Variants in PTPRK observed in about 807,000 individuals in gnomAD.
PTPRK encodes the protein protein tyrosine phosphatase receptor type K, also known as receptor-type tyrosine-protein phosphatase kappa.
Under a neutral mutation model 178.0 loss-of-function variants are expected in PTPRK, and 75 were observed. That is an observed-to-expected ratio of 0.42 (90% CI 0.35 to 0.51). The LOEUF (loss-of-function observed/expected upper bound fraction) is 0.51, where lower values mean the gene tolerates loss of function less well. Ranked by LOEUF, PTPRK falls within the 20% of genes least tolerant of loss-of-function variation. The pLI, the probability that PTPRK is intolerant of heterozygous loss-of-function variation, is 0.02. For missense variants in PTPRK, 1,441 were observed against 1,797.8 expected (o/e 0.80, Z 3.59); for synonymous variants, 637 against 620.6 (o/e 1.03, Z -0.39).
chr6:128,257,485 G>C (rs1238276769), intron 3 of PTPRK, among the ~76,000 whole-genome samples: 1 of 152,052 alleles, frequency 6.6e-6, no homozygotes, highest in African/African-American at 2.4e-5. Context: ...GCCTAAATAT[G>C]CTTGGATATT....
intron 11 of PTPRK, among the ~76,000 whole-genome samples, chr6:128,068,748 C>A (rs146641544): frequency 6.6e-6 from 1 of 150,616 alleles, no homozygotes; most frequent in East Asian, 1.9e-4. Context: ...ATATTTTATA[C>A]ATTATAAATA....
At chr6:128,510,264 A>AGT (rs1856976333) in intron 1 of PTPRK, among the ~76,000 whole-genome samples, 1 of 152,182 alleles carries the variant, frequency 6.6e-6, no homozygotes, top group Non-Finnish European at 1.5e-5. Flanking sequence ...TGGCACAGCC[A>AGT]TGGTCCTCAG....
rs746387193 is a variant in PTPRK, at chr6:128,082,573, TAC to T, written c.1639_1640del (p.Val547IlefsTer51). 6.2e-7 allele frequency: 1 copy of T among 1,612,594 alleles called. No individual in the cohort carries two copies. Among genetic ancestry groups the T allele is most frequent in the Non-Finnish European group, 8.5e-7 (1 of 1,178,820 alleles). On this transcript the variant is annotated frameshift_variant, in exon 10 of 30. Transcript: ENST00000368226. LOFTEE classifies it high-confidence loss of function. ...AVPVAGPPQT[V>X]SNLWNSTHHV... ...GGTGTGTACTGTTCCATAAATTTGA[TAC>T]AGTCTGGGGAGGTCCAGCCACTGGA...
intron 15 of PTPRK, among the ~76,000 whole-genome samples, chr6:128,000,769 G>A (rs971749143): frequency 2.6e-5 from 4 of 152,182 alleles, no homozygotes; most frequent in South Asian, 2.1e-4. Flanking sequence ...AACAGATAAC[G>A]TCAGAGAGGC....
intron 22 of PTPRK, among the ~76,000 whole-genome samples, chr6:127,984,035 A>C (rs904959498): frequency 1.2e-4 from 19 of 152,296 alleles, no homozygotes; most frequent in African/African-American, 4.6e-4. Flanking sequence ...GCAAATCAAA[A>C]GGCTAGCCGC....
At chr6:128,230,936 C>T (rs1333985574) in intron 5 of PTPRK, 2 of 152,146 alleles carry the variant, frequency 1.3e-5, no homozygotes, top group African/African-American at 2.4e-5. Flanking sequence ...GTTATGTAAT[C>T]TGTAAACATT....
At chr6:128,180,725 T>C (rs1440143345) in intron 7 of PTPRK, among the ~76,000 whole-genome samples, 1 of 152,140 alleles carries the variant, frequency 6.6e-6, no homozygotes, top group Non-Finnish European at 1.5e-5. Context: ...CACTAATCAA[T>C]TGGGCTTTCA....
intron 3 of PTPRK, among the ~76,000 whole-genome samples, chr6:128,278,544 T>A (rs906228325): frequency 6.6e-6 from 1 of 152,170 alleles, no homozygotes; most frequent in Non-Finnish European, 1.5e-5. Context: ...GAGAGCTGGA[T>A]AATAACAAAG....
chr6:128,170,238 C>T (rs767020790), intron 7 of PTPRK, among the ~76,000 whole-genome samples: 23 of 152,080 alleles, frequency 1.5e-4, no homozygotes, highest in Admixed American at 5.9e-4. Flanking sequence ...TTAAAACTCC[C>T]CTGCAGGCCA....
At chr6:128,314,659 C>A (rs1827754302) in intron 3 of PTPRK, among the ~76,000 whole-genome samples, 1 of 151,898 alleles carries the variant, frequency 6.6e-6, no homozygotes, top group African/African-American at 2.4e-5. Flanking sequence ...TAGCTATCAT[C>A]CCATATTGCA....
intron 10 of PTPRK, among the ~76,000 whole-genome samples, chr6:128,081,286 G>A (rs927512090): frequency 2.0e-5 from 3 of 151,812 alleles, no homozygotes; most frequent in African/African-American, 7.3e-5. Flanking sequence ...TTAAAACATT[G>A]TTATTTTATA....
chr6:128,347,384 A>G (rs2128335185), intron 2 of PTPRK, among the ~76,000 whole-genome samples: 1 of 152,288 alleles, frequency 6.6e-6, no homozygotes, highest in East Asian at 1.9e-4. Context: ...AAATCCTGCT[A>G]ATTCAGGCAA....
At chr6:128,197,611 G>A (rs1221610464) in intron 6 of PTPRK, among the ~76,000 whole-genome samples, 1 of 151,912 alleles carries the variant, frequency 6.6e-6, no homozygotes, top group East Asian at 1.9e-4. Flanking sequence ...TGTCAATTAT[G>A]TGAGGAAAAA....
intron 15 of PTPRK, chr6:128,000,030 C>G: frequency 1.0e-6 from 1 of 957,372 alleles, no homozygotes; most frequent in East Asian, 1.2e-4. Context: ...AAGTACTAAA[C>G]ATTACAACGA....
chr6:128,354,229 A>ATTTTTTTTT (rs1201996929), intron 2 of PTPRK, among the ~76,000 whole-genome samples: 6 of 27,736 alleles, frequency 2.2e-4, no homozygotes, highest in South Asian at 1.6e-3. Context: ...TTTTTTGTTT[A>ATTTTTTTTT]TGTTTTTTTT....
intron 7 of PTPRK, among the ~76,000 whole-genome samples, chr6:128,101,770 G>A (rs1788827468): frequency 6.6e-6 from 1 of 152,090 alleles, no homozygotes. Context: ...TCCTGCCAAT[G>A]TATTCATCTG....
chr6:128,081,848 C>T (rs1784883025), intron 10 of PTPRK, among the ~76,000 whole-genome samples: 2 of 151,992 alleles, frequency 1.3e-5, no homozygotes, highest in South Asian at 2.1e-4. Context: ...TGTAAACAAT[C>T]TAGTCAAATA....
At chr6:128,069,154 C>G (rs1391988923) in intron 11 of PTPRK, among the ~76,000 whole-genome samples, 1 of 151,368 alleles carries the variant, frequency 6.6e-6, no homozygotes, top group African/African-American at 2.5e-5. Flanking sequence ...TGATAAATTA[C>G]AGATTTTCTT....
At chr6:128,103,222 A>T (rs1009600954) in intron 7 of PTPRK, among the ~76,000 whole-genome samples, 12 of 151,988 alleles carry the variant, frequency 7.9e-5, no homozygotes, top group African/African-American at 1.9e-4. Context: ...ACTCCAGGGG[A>T]AGATCATCTT....
Sources: gnomAD v4.1 joint callset for allele counts (sites outside exome capture counted in the v4.1 genomes callset) on GRCh38, gnomAD v4.1.1 for gene constraint, MANE v1.5 for transcripts, NCBI Gene and HGNC (gene_info 2026-07-23, HGNC 2026-07-21) for gene names.